Variants in SLC25A48 observed in about 807,000 individuals in gnomAD.
SLC25A48 encodes the protein CTC-321K16.1.
A neutral mutation model predicts 32.2 loss-of-function variants in SLC25A48; 29 were observed. The ratio of observed to expected loss-of-function variants is 0.90; its 90% CI spans 0.67 to 1.23. The LOEUF (loss-of-function observed/expected upper bound fraction) is 1.23, where lower values mean the gene tolerates loss of function less well. Among genes scored for constraint, SLC25A48 ranks in the 50% most tolerant of loss-of-function variants. SLC25A48 has a pLI of 0.00. For missense variants in SLC25A48, 399 were observed against 422.7 expected, an observed-to-expected ratio of 0.94 and a Z score of 0.49; for synonymous variants, 164 against 172.3, an observed-to-expected ratio of 0.95 and a Z score of 0.38.
chr5:135,684,337 G>T (rs1753968934), intron 3 of SLC25A48, among the ~76,000 whole-genome samples: 2 of 152,064 alleles, frequency 1.3e-5, no homozygotes, highest in Admixed American at 1.3e-4. Flanking sequence ...AGAGATAGCA[G>T]GTTAGTTCTA....
chr5:135,684,921 T>A (rs1164838707), intron 3 of SLC25A48, among the ~76,000 whole-genome samples: 2 of 152,146 alleles, frequency 1.3e-5, no homozygotes, highest in African/African-American at 2.4e-5. Context: ...TTCATAGACA[T>A]GCAAGTAGTC....
chr5:135,595,217 G>A (rs1185311601), intron 1 of SLC25A48, among the ~76,000 whole-genome samples: 1 of 152,196 alleles, frequency 6.6e-6, no homozygotes, highest in African/African-American at 2.4e-5. Context: ...TGCAGCCCCT[G>A]TCACTTGCTG....
chr5:135,768,182 C>A (rs1490391486), intron 3 of SLC25A48, among the ~76,000 whole-genome samples: 2 of 137,674 alleles, frequency 1.5e-5, no homozygotes, highest in Admixed American at 7.1e-5. Context: ...GGAGTAATAT[C>A]GCAGTGGAGT....
At chr5:135,617,985 C>T (rs1752227653) in intron 1 of SLC25A48, among the ~76,000 whole-genome samples, 1 of 151,820 alleles carries the variant, frequency 6.6e-6, no homozygotes, top group South Asian at 2.1e-4. Context: ...AGTTTTCTGT[C>T]TAGATGATGT....
intron 1 of SLC25A48, 104 bp downstream of exon 1, chr5:135,834,997 C>G: frequency 7.3e-7 from 1 of 1,378,638 alleles, no homozygotes; most frequent in Admixed American, 2.0e-5. Flanking sequence ...CATCCCGCTC[C>G]CCGTTGTGCG....
chr5:135,767,119 C>T (rs1159258661), intron 3 of SLC25A48, among the ~76,000 whole-genome samples: 2 of 132,388 alleles, frequency 1.5e-5, no homozygotes, highest in Admixed American at 7.6e-5. Context: ...TGTACATTCC[C>T]TTGACATGTT....
At chr5:135,886,613 AT>A (rs1561567585) in intron 7 of SLC25A48, among the ~76,000 whole-genome samples, 4,477 of 41,832 alleles carry the variant, frequency 0.11, 438 homozygotes, top group Middle Eastern at 0.21. Context: ...ATATATATAT[AT>A]ATATATATAT....
intron 3 of SLC25A48, among the ~76,000 whole-genome samples, chr5:135,729,447 G>A (rs978566365): frequency 1.3e-5 from 2 of 151,898 alleles, no homozygotes; most frequent in Admixed American, 6.6e-5. Flanking sequence ...TGTGGCATTT[G>A]TTAGAATCCT....
At chr5:135,858,534 A>G (rs12523450) in intron 4 of SLC25A48, among the ~76,000 whole-genome samples, 21,320 of 152,198 alleles carry the variant, frequency 0.14, 1,849 homozygotes, top group Middle Eastern at 0.2. Flanking sequence ...CATATGTTTA[A>G]TCTTCACAAC....
At chr5:135,771,666 G>A (rs943698030) in intron 3 of SLC25A48, among the ~76,000 whole-genome samples, 3 of 151,680 alleles carry the variant, frequency 2.0e-5, no homozygotes, top group African/African-American at 7.3e-5. Flanking sequence ...ATTACAGGAG[G>A]AAGAGGGTGA....
At chr5:135,729,971 A>G (rs1291552268) in intron 3 of SLC25A48, among the ~76,000 whole-genome samples, 2 of 152,190 alleles carry the variant, frequency 1.3e-5, no homozygotes, top group Non-Finnish European at 2.9e-5. Context: ...GCTCAGAGCA[A>G]TGGGCAACTT....
At chr5:135,853,326 C>T (rs1186464377) in intron 4 of SLC25A48, among the ~76,000 whole-genome samples, 1 of 152,168 alleles carries the variant, frequency 6.6e-6, no homozygotes, top group Non-Finnish European at 1.5e-5. Context: ...CCATTGACTT[C>T]CTTTCACCAA....
rs151089699 is a variant in SLC25A48, at chr5:135,729,551, C to T, written c.-520-82972C>T. The stretch of plus-strand genomic sequence containing the variant: ...GTAAGTTGTCAGCCTAAAAAAGTGG[C>T]ATCTTGCTTGCATAAGTAAATTTTA... On this transcript the variant is annotated intron_variant, in intron 3 of 10. Transcript: ENST00000646290. Among the ~76,000 whole-genome samples, 779 of 152,192 alleles carry T rather than the reference C, an allele frequency of 5.1e-3. 4 individuals are homozygous for T. Among genetic ancestry groups the T allele is most frequent in the African/African-American group, 0.018 (747 of 41,536 alleles).
At chr5:135,755,590 T>C (rs1755879173) in intron 3 of SLC25A48, among the ~76,000 whole-genome samples, 1 of 152,068 alleles carries the variant, frequency 6.6e-6, no homozygotes, top group African/African-American at 2.4e-5. Flanking sequence ...CTGTGATATT[T>C]ACCATATGTA....
At chr5:135,716,236 A>C (rs1412015724) in intron 3 of SLC25A48, among the ~76,000 whole-genome samples, 1 of 152,232 alleles carries the variant, frequency 6.6e-6, no homozygotes, top group African/African-American at 2.4e-5. Context: ...CAGCAGGATC[A>C]CCATCAGGGA....
chr5:135,801,935 GGAT>G (rs2126643349), intron 3 of SLC25A48, among the ~76,000 whole-genome samples: 2 of 151,848 alleles, frequency 1.3e-5, no homozygotes, highest in East Asian at 3.9e-4. Flanking sequence ...GGGAAAGAGG[GGAT>G]GATATTACTC....
At chr5:135,621,420 A>G (rs1752322434) in intron 1 of SLC25A48, among the ~76,000 whole-genome samples, 1 of 152,252 alleles carries the variant, frequency 6.6e-6, no homozygotes, top group South Asian at 2.1e-4. Context: ...AAGGTTATCT[A>G]GTAATTAACA....
intron 1 of SLC25A48, among the ~76,000 whole-genome samples, chr5:135,585,796 G>T (rs1378368669): frequency 1.4e-5 from 2 of 141,246 alleles, no homozygotes; most frequent in East Asian, 4.3e-4. Flanking sequence ...AAATAATCAG[G>T]CTGTGATAAG....
chr5:135,815,517 A>G (rs1276937236), intron 4 of SLC25A48, among the ~76,000 whole-genome samples: 3 of 152,220 alleles, frequency 2.0e-5, no homozygotes, highest in African/African-American at 7.2e-5. Flanking sequence ...GCTTGCAGGT[A>G]AGGAAGAGCA....
Sources: gnomAD v4.1 joint callset for allele counts (sites outside exome capture counted in the v4.1 genomes callset) on GRCh38, gnomAD v4.1.1 for gene constraint, MANE v1.5 for transcripts, NCBI Gene and HGNC (gene_info 2026-07-23, HGNC 2026-07-21) for gene names.